Variants in TACC2 observed in about 807,000 individuals in gnomAD.
TACC2 encodes the protein transforming acidic coiled-coil containing protein 2.
TACC2 carries 137 observed loss-of-function variants against 227.3 expected under a neutral mutation model. The observed-to-expected ratio is 0.60, with a 90% CI of 0.52 to 0.69. TACC2 has a LOEUF of 0.69. TACC2 is among the 30% of genes least tolerant of loss of function. The pLI, the probability that TACC2 is intolerant of heterozygous loss-of-function variation, is 0.00. For missense variants in TACC2, 3,470 were observed against 3,694.4 expected, an observed-to-expected ratio of 0.94 and a Z score of 1.57; for synonymous variants, 1,523 against 1,487.5, an observed-to-expected ratio of 1.02 and a Z score of -0.55.
At chr10:122,220,046 A>T (rs2095493474) in intron 11 of TACC2, among the ~76,000 whole-genome samples, 1 of 152,074 alleles carries the variant, frequency 6.6e-6, no homozygotes, top group East Asian at 1.9e-4. Context: ...TCCAAAAAAA[A>T]AAAAAGAAAA....
intron 5 of TACC2, among the ~76,000 whole-genome samples, chr10:122,108,258 T>C (rs907349854): frequency 2.6e-5 from 4 of 152,066 alleles, no homozygotes; most frequent in African/African-American, 9.7e-5. Context: ...GAACATACAA[T>C]GTTTTGTTTT....
chr10:122,175,635 C>T (rs1183733971), intron 7 of TACC2, among the ~76,000 whole-genome samples: 1 of 152,178 alleles, frequency 6.6e-6, no homozygotes, highest in Non-Finnish European at 1.5e-5. Context: ...AGCTTAAATG[C>T]CTGTGAGAGG....
chr10:122,227,781 T>A (rs1202826830), intron 13 of TACC2, 56 bp from the exon 14 acceptor site: 18 of 1,555,020 alleles, frequency 1.2e-5, no homozygotes, highest in Non-Finnish European at 1.6e-5. Flanking sequence ...TCCTGGTTGA[T>A]TTCAGTGGGT....
intron 1 of TACC2, among the ~76,000 whole-genome samples, chr10:122,018,642 A>G (rs1203219985): frequency 6.6e-6 from 1 of 152,178 alleles, no homozygotes; most frequent in East Asian, 1.9e-4. Context: ...CGTAAAATCT[A>G]TGACCTTTTG....
chr10:122,080,953 A>G (rs1442559106), intron 3 of TACC2, among the ~76,000 whole-genome samples: 1 of 152,240 alleles, frequency 6.6e-6, no homozygotes, highest in Admixed American at 6.5e-5. Flanking sequence ...AACTTTAAAG[A>G]AAATGGTAAA....
chr10:122,158,226 A>G (rs2139701630), intron 7 of TACC2, among the ~76,000 whole-genome samples: 1 of 151,928 alleles, frequency 6.6e-6, no homozygotes, highest in Non-Finnish European at 1.5e-5. Context: ...CATCTCTACT[A>G]AAAAATACAA....
At chr10:122,062,559 C>T (rs190222941) in intron 3 of TACC2, among the ~76,000 whole-genome samples, 56 of 151,812 alleles carry the variant, frequency 3.7e-4, no homozygotes, top group African/African-American at 1.4e-3. Context: ...GGTGATCCAC[C>T]TGCCTCGGCC....
intron 3 of TACC2, among the ~76,000 whole-genome samples, chr10:122,062,984 A>G (rs923386752): frequency 6.6e-6 from 1 of 152,178 alleles, no homozygotes; most frequent in African/African-American, 2.4e-5. Context: ...GTTCTAGGTC[A>G]CACAGACAGA....
Position 122,210,316 on chromosome 10 carries a change from G to T in TACC2, c.5972-81G>T. ...GTGGTTTGTCAACCCCTACGCTGGA[G>T]GGTGATGTTTTGGTACAAGAGGAGA... On this transcript the variant is annotated intron_variant, in intron 8 of 22. Coordinates refer to ENST00000369005, the MANE Select transcript of TACC2 (RefSeq NM_206862.4). The surrounding 1 kb of genome is among the most constrained non-coding windows in gnomAD (Gnocchi z 4.6). 1 of 1,134,524 alleles carries T rather than the reference G, an allele frequency of 8.8e-7. No homozygotes were observed. The highest frequency in any genetic ancestry group is 1.3e-6 in the Non-Finnish European group (1 of 753,356). The allele number at this position is 1,134,524 out of a possible 1,614,324, so 70.3% of individuals were successfully genotyped here.
intron 7 of TACC2, among the ~76,000 whole-genome samples, chr10:122,160,432 G>A (rs1291179608): frequency 6.6e-6 from 1 of 152,164 alleles, no homozygotes; most frequent in Non-Finnish European, 1.5e-5. Context: ...GAGGCTGGAA[G>A]TCTGAGAGCA....
chr10:122,147,009 TGG>T (rs2091458603), intron 7 of TACC2, among the ~76,000 whole-genome samples: 2 of 152,208 alleles, frequency 1.3e-5, no homozygotes, highest in African/African-American at 4.8e-5. Flanking sequence ...CTGTGGGTTC[TGG>T]GAGGAAGAAC....
Position 122,086,102 on chromosome 10 carries a change from G to T in TACC2, c.3602G>T (p.Gly1201Val), listed in dbSNP as rs548512736. 2 of 1,613,648 alleles carry T rather than the reference G, an allele frequency of 1.2e-6. No individual in the cohort carries two copies. Among genetic ancestry groups the T allele is most frequent in the South Asian group, 1.1e-5 (1 of 91,086 alleles). The change falls in exon 4 of 23, where the codon GGT becomes GTT. Residue 1201 changes from glycine to valine, a missense_variant. This residue lies in a region of TACC2 where 1,924 missense variants were observed against 1,978.3 expected (regional missense o/e 0.97). Transcript: ENST00000369005. ...QDALLPAREL[G>V]GIPRSTMDFS... ...GCCTTGCTGCCAGCCAGAGAGCTGG[G>T]TGGGATTCCCAGGAGCACCATGGAT...
rs1397621846 is a variant in TACC2, at chr10:122,194,139, G to T, written c.5835-901G>T. On this transcript the variant is annotated intron_variant, in intron 7 of 22. Coordinates refer to ENST00000369005, the MANE Select transcript of TACC2 (RefSeq NM_206862.4). This position sits in a 1 kb window ranked among gnomAD's most constrained non-coding sequence, Gnocchi z 4.4. ...GGGCCTCACTGTGTTGCCCAGGCTGGTCTCAAATGCCTGACATCAAGCGAT... is the reference window on the plus strand; with the variant it reads ...GGGCCTCACTGTGTTGCCCAGGCTGTTCTCAAATGCCTGACATCAAGCGAT... Among the ~76,000 whole-genome samples the T allele has an allele frequency of 6.6e-6, 1 of 152,152 alleles. No individual in the cohort carries two copies. The highest frequency in any genetic ancestry group is 1.5e-5 in the Non-Finnish European group (1 of 68,040).
At chr10:122,214,612 G>A (rs1030432448) in intron 9 of TACC2, among the ~76,000 whole-genome samples, 3 of 152,192 alleles carry the variant, frequency 2.0e-5, no homozygotes, top group African/African-American at 7.2e-5. Flanking sequence ...CAGACTGCTC[G>A]GTGGACTTAA....
intron 4 of TACC2, 105 bp downstream of exon 4, chr10:122,088,064 G>A: frequency 7.9e-7 from 1 of 1,269,874 alleles, no homozygotes; most frequent in South Asian, 2.2e-5. Flanking sequence ...TTTTCTAAAA[G>A]CTGAGTTTTC....
chr10:122,085,756 C>G lies in TACC2; in HGVS notation c.3256C>G (p.Gln1086Glu). ...AGAGACAGAGGCATGTGATGAAACC[C>G]AGGAAGGCAGGCAGCAACCAGTGCC... ...APETEACDET[Q>E]EGRQQPVPAP... is the part of the protein sequence containing the mutation. The change falls in exon 4 of 23, where the codon CAG (glutamine) becomes GAG (glutamate). Residue 1086 changes from glutamine (Q) to glutamate (E), a missense_variant. Transcript: ENST00000369005. 6.2e-7 allele frequency: 1 copy of G among 1,613,862 alleles called. No homozygotes were observed. The highest frequency in any genetic ancestry group is 2.2e-5 in the East Asian group (1 of 44,868).
Position 122,249,590 on chromosome 10 carries a change from C to G in TACC2, c.8707C>G (p.Gln2903Glu). The change falls in exon 22 of 23, where the codon CAA (glutamine) becomes GAA (glutamate). Residue 2903 changes from glutamine (Q) to glutamate (E), a missense_variant. Gln to Glu is a conservative substitution (Grantham distance 29, BLOSUM62 2). Around this residue, in one of 10 missense-constraint regions of TACC2, gnomAD observed 89 missense variants for 91.4 expected, o/e 0.97. Coordinates refer to ENST00000369005, the MANE Select transcript of TACC2 (RefSeq NM_206862.4). The stretch of plus-strand genomic sequence containing the variant: ...GGTTCGAGGCAAGGCCCAGCAGGAG[C>G]AAGCCGCCCACCAGGCCAGCCTGCG... Reference protein sequence around the residue: ...AQVRGKAQQEQAAHQASLRKE... With the variant: ...AQVRGKAQQEEAAHQASLRKE... The G allele has an allele frequency of 6.2e-7, 1 of 1,614,162 alleles. No individual in the cohort carries two copies. Among genetic ancestry groups the G allele is most frequent in the African/African-American group, 1.3e-5 (1 of 75,070 alleles).
intron 9 of TACC2, 100 bp from the exon 10 acceptor site, chr10:122,215,291 A>T: frequency 9.3e-7 from 1 of 1,074,120 alleles, no homozygotes; most frequent in Non-Finnish European, 1.4e-6. Flanking sequence ...GGCCTGGGCC[A>T]GATGGCTCCG....
In TACC2 at chr10:122,190,766, A is replaced by T. The variant is rs1028573229; in HGVS notation, c.5835-4274A>T. Among the ~76,000 whole-genome samples the T allele has an allele frequency of 2.0e-5, 3 of 152,194 alleles. No homozygotes were observed. In the East Asian group the frequency reaches 5.8e-4, roughly 29 times the overall value. On this transcript the variant is annotated intron_variant, in intron 7 of 22. Coordinates refer to ENST00000369005, the MANE Select transcript of TACC2 (RefSeq NM_206862.4). ...TCCCAGTGATGTGCAGCGGGGGGAG[A>T]AACCAACGGGCATCCGGCTACCTCA...
Sources: allele counts gnomAD v4.1 joint callset (sites outside exome capture counted in the v4.1 genomes callset), GRCh38; gene constraint gnomAD v4.1.1; regional missense constraint gnomAD v4.1.1; non-coding constraint Gnocchi (gnomAD v3.1); transcripts MANE v1.5; gene names NCBI Gene and HGNC (gene_info 2026-07-23, HGNC 2026-07-21).